The following ANKRD13A variants were observed in gnomAD, a reference collection of about 807,000 sequenced individuals.
ANKRD13A encodes ankyrin repeat domain 13A, also known as ankyrin repeat domain-containing protein 13A.
ANKRD13A carries 48 observed loss-of-function variants against 81.3 expected under a neutral mutation model. That is an observed-to-expected ratio of 0.59 (90% confidence interval 0.47 to 0.75). The LOEUF (loss-of-function observed/expected upper bound fraction) is 0.75. ANKRD13A is among the 30% of genes least tolerant of loss of function. The probability of loss-of-function intolerance (pLI) is 0.00; values close to 1 mark genes in which losing one functional copy is unlikely to be tolerated. For missense variants in ANKRD13A, 612 were observed against 734.0 expected (o/e 0.83, Z 1.92); for synonymous variants, 230 against 270.1 (o/e 0.85, Z 1.45).
chr12:110,023,953 A>T, intron 6 of ANKRD13A, 93 bp from the exon 7 acceptor site: 1 of 1,298,666 alleles, frequency 7.7e-7, no homozygotes, highest in Non-Finnish European at 1.1e-6. Flanking sequence ...TCACTAACTT[A>T]AGCTGGGGGG....
chr12:110,032,580 A>G (rs1331445010), intron 12 of ANKRD13A: 1 of 152,196 alleles, frequency 6.6e-6, no homozygotes, highest in Non-Finnish European at 1.5e-5. Flanking sequence ...GAAGATGTGG[A>G]TGACCTAGCA....
At chr12:110,029,339 C>T (rs61940911) in intron 10 of ANKRD13A, 139 bp from the exon 11 acceptor site, 56,386 of 920,030 alleles carry the variant, frequency 0.061, 2,058 homozygotes, top group Middle Eastern at 0.079. Flanking sequence ...AGACATTTGA[C>T]CTTTAATAGG....
At position 110,037,615 on chromosome 12, in the gene ANKRD13A, TCAACCAGGGC is replaced by T; in HGVS notation, c.*63_*72del. 1 of 1,545,208 alleles carries T rather than the reference TCAACCAGGGC, an allele frequency of 6.5e-7. No individual in the cohort carries two copies. The highest frequency in any genetic ancestry group is 2.3e-5 in the East Asian group (1 of 44,328). Reference sequence around the variant, plus strand: ...GCTGTGGGCTGTCACAGATGCTGTGTCAACCAGGGCCCTAGGGCTAAGGGCCTGCACCTTG... The same window carrying T: ...GCTGTGGGCTGTCACAGATGCTGTGTCCTAGGGCTAAGGGCCTGCACCTTG... On this transcript the variant is annotated 3_prime_UTR_variant, in exon 15 of 15. Coordinates refer to ENST00000261739, the MANE Select transcript of ANKRD13A (RefSeq NM_033121.2).
At chr12:110,012,550 C>T (rs982199162) in intron 2 of ANKRD13A, among the ~76,000 whole-genome samples, 1 of 152,154 alleles carries the variant, frequency 6.6e-6, no homozygotes, top group Non-Finnish European at 1.5e-5. Context: ...AGAATGACTC[C>T]TCATCCAGAA....
Position 110,018,513 on chromosome 12 carries a change from CA to C in ANKRD13A, c.544+26del, listed in dbSNP as rs1890910175. On this transcript the variant is annotated intron_variant, in intron 5 of 14. Coordinates refer to ENST00000261739, the MANE Select transcript of ANKRD13A (RefSeq NM_033121.2). This position sits in a 1 kb window ranked among gnomAD's most constrained non-coding sequence, Gnocchi z 4.4. ...GGTGAGTGACTTCTCTTGTAGTAAT[CA>C]CTGCTCAAGCAAAATTACAGGGTGA... is the stretch of plus-strand genomic sequence containing the variant. The C allele has an allele frequency of 6.2e-7, 1 of 1,605,396 alleles. No individual in the cohort carries two copies. Among genetic ancestry groups the C allele is most frequent in the Non-Finnish European group, 8.5e-7 (1 of 1,174,160 alleles).
At chr12:110,028,405 C>T in intron 9 of ANKRD13A, 107 bp from the exon 10 acceptor site, 2 of 1,357,528 alleles carry the variant, frequency 1.5e-6, no homozygotes, top group Non-Finnish European at 1.0e-6. Context: ...ATAGAACTTC[C>T]CGGTCTTTAG....
rs985827768 is a variant in ANKRD13A at position 110,026,254 on chromosome 12, C to T, written c.883+431C>T. ...TGCTGAGATTACAGGCGTGAGCCAC[C>T]GTGCCTGGCCCCTAACTTCTTTTTT... is the stretch of plus-strand genomic sequence containing the variant. On this transcript the variant is annotated intron_variant, in intron 8 of 14. Transcript: ENST00000261739. Among the ~76,000 whole-genome samples the T allele has an allele frequency of 5.4e-4, 82 of 151,466 alleles. 1 individual carries two copies. Among genetic ancestry groups the T allele is most frequent in the Non-Finnish European group, 9.0e-4 (61 of 67,814 alleles).
At chr12:110,034,897 A>C (rs1891932387) in intron 13 of ANKRD13A, among the ~76,000 whole-genome samples, 1 of 152,218 alleles carries the variant, frequency 6.6e-6, no homozygotes. Flanking sequence ...TTCTCTGGGA[A>C]GCAGCCCCTG....
At chr12:110,025,934 G>T in intron 8 of ANKRD13A, 111 bp downstream of exon 8, 1 of 847,466 alleles carries the variant, frequency 1.2e-6, no homozygotes, top group South Asian at 1.8e-5. Context: ...GTTGTGTTAA[G>T]CCTAACCCTA....
intron 8 of ANKRD13A, among the ~76,000 whole-genome samples, chr12:110,026,577 C>CAA (rs758540766): frequency 4.5e-5 from 5 of 109,992 alleles, no homozygotes; most frequent in African/African-American, 1.3e-4. Flanking sequence ...AACTCCATCT[C>CAA]AAAAAAAAAA....
rs770313128 is a variant in ANKRD13A, at chr12:110,029,572, C to T, written c.1171C>T (p.His391Tyr). 34 of 1,613,926 alleles carry T rather than the reference C, an allele frequency of 2.1e-5. No homozygotes were observed. The highest frequency in any genetic ancestry group is 2.9e-5 in the Non-Finnish European group (34 of 1,179,956). Residue 391 changes from histidine (H) to tyrosine (Y), a missense_variant, in exon 11 of 15, where the codon CAT becomes TAT. Physicochemically the swap from His to Tyr is moderately conservative, Grantham distance 83 (BLOSUM62 2). Coordinates refer to ENST00000261739, the MANE Select transcript of ANKRD13A (RefSeq NM_033121.2). ...IIDLMARTSA[H>Y]FARLRDFIKL... ...TGACCTAATGGCTCGAACGAGTGCT[C>T]ATTTTGCAAGACTGAGAGATTTCAT...
Position 110,029,622 on chromosome 12 carries a change from TC to T in ANKRD13A, c.1223del (p.Pro408LeufsTer4). 6.2e-7 allele frequency: 1 copy of T among 1,613,444 alleles called. No individual in the cohort carries two copies. Among genetic ancestry groups the T allele is most frequent in the Non-Finnish European group, 8.5e-7 (1 of 1,179,374 alleles). ...TCAAATTGGAATTCCCACCTGGATT[TC>T]CTGTCAAAATAGGTACTGCTAAATA... Reference protein sequence around the residue: ...FIKLEFPPGFPVKIEIPLFHV... With the variant: ...FIKLEFPPGFXVKIEIPLFHV... On this transcript the variant is annotated frameshift_variant, in exon 11 of 15. Transcript: ENST00000261739. LOFTEE classifies it high-confidence loss of function.
chr12:110,035,131 G>A (rs1332284159), intron 13 of ANKRD13A, among the ~76,000 whole-genome samples: 2 of 152,174 alleles, frequency 1.3e-5, no homozygotes, highest in Non-Finnish European at 1.5e-5. Context: ...CATCCTGGGA[G>A]AAGACCCCTG....
intron 12 of ANKRD13A, among the ~76,000 whole-genome samples, chr12:110,033,567 G>A (rs1891837405): frequency 6.6e-6 from 1 of 152,022 alleles, no homozygotes; most frequent in African/African-American, 2.4e-5. Flanking sequence ...ATAGTCTTGT[G>A]TATTTTTTTA....
chr12:110,007,572 G>T (rs1438911970), intron 1 of ANKRD13A, among the ~76,000 whole-genome samples: 4 of 152,038 alleles, frequency 2.6e-5, no homozygotes, highest in Admixed American at 2.6e-4. Context: ...TAGAGGTGGG[G>T]TTTCTCCATG....
In ANKRD13A at chr12:109,999,893, C is replaced by A. The variant is rs909204936; in HGVS notation, c.96+109C>A. On this transcript the variant is annotated intron_variant, in intron 1 of 14. Coordinates refer to ENST00000261739, the MANE Select transcript of ANKRD13A (RefSeq NM_033121.2). The surrounding 1 kb of genome is among the most constrained non-coding windows in gnomAD (Gnocchi z 4.3). ...CCCTCTGTCCCCGGGATCCCCAGAC[C>A]CCTTCCACTTTGCAGGTGTGGGACA... 1 of 1,006,386 alleles carries A rather than the reference C, an allele frequency of 9.9e-7. No individual in the cohort carries two copies. Among genetic ancestry groups the A allele is most frequent in the African/African-American group, 1.7e-5 (1 of 59,382 alleles). 62.3% of individuals were successfully genotyped at this position (1,006,386 alleles called of 1,614,324 possible).
chr12:110,000,093 A>C (rs1316027594), intron 1 of ANKRD13A, among the ~76,000 whole-genome samples: 1 of 152,186 alleles, frequency 6.6e-6, no homozygotes, highest in Non-Finnish European at 1.5e-5. Context: ...CCCGCTGATA[A>C]ATGCCAAGTC....
chr12:110,029,324 G>A, intron 10 of ANKRD13A, 154 bp from the exon 11 acceptor site: 3 of 761,010 alleles, frequency 3.9e-6, no homozygotes, highest in Non-Finnish European at 4.0e-6. Flanking sequence ...ATTCCTTGTG[G>A]CCCTAGACAT....
At position 110,039,111 on chromosome 12, in the gene ANKRD13A, A is replaced by G. The variant is rs1275465116; in HGVS notation, c.*1557A>G. ...TGTCTGACCAAAATTCCTTCTGCAC[A>G]TGAGGCCAGTATAGGCAACGTCACA... On this transcript the variant is annotated 3_prime_UTR_variant, in exon 15 of 15. Coordinates refer to ENST00000261739, the MANE Select transcript of ANKRD13A (RefSeq NM_033121.2). The G allele has an allele frequency of 6.6e-6, 1 of 151,454 alleles. No homozygotes were observed. The highest frequency in any genetic ancestry group is 1.5e-5 in the Non-Finnish European group (1 of 67,936). 9.4% of individuals were successfully genotyped at this position (151,454 alleles called of 1,614,324 possible).
Sources: allele counts gnomAD v4.1 joint callset (sites outside exome capture counted in the v4.1 genomes callset), GRCh38; gene constraint gnomAD v4.1.1; non-coding constraint Gnocchi (gnomAD v3.1); transcripts MANE v1.5; gene names NCBI Gene and HGNC (gene_info 2026-07-23, HGNC 2026-07-21).